The following PRPF6 variants were observed in gnomAD, a reference collection of about 807,000 sequenced individuals.
The protein encoded by PRPF6 is pre-mRNA-processing factor 6.
A neutral mutation model predicts 118.3 loss-of-function variants in PRPF6; 42 were observed. That is an observed-to-expected ratio of 0.35 (90% CI 0.28 to 0.46). The LOEUF is 0.46. PRPF6 is among the 20% of genes least tolerant of loss of function. The pLI, the probability that PRPF6 is intolerant of heterozygous loss-of-function variation, is 1.00. For missense variants in PRPF6, 662 were observed against 1,255.7 expected, an observed-to-expected ratio of 0.53 and a Z score of 7.15; for synonymous variants, 481 against 485.1, an observed-to-expected ratio of 0.99 and a Z score of 0.11.
intron 9 of PRPF6, among the ~76,000 whole-genome samples, chr20:64,003,491 C>G (rs2059176690): frequency 6.6e-6 from 1 of 152,226 alleles, no homozygotes; most frequent in Non-Finnish European, 1.5e-5. Context: ...GCCTGTGATG[C>G]ATGTTCCCCC....
chr20:64,010,167 C>A, intron 9 of PRPF6, 33 bp from the exon 10 acceptor site: 1 of 1,573,058 alleles, frequency 6.4e-7, no homozygotes, highest in Non-Finnish European at 8.8e-7. Context: ...ATCTCCTTTT[C>A]TGTGACGTGG....
chr20:63,992,110 G>GTT (rs1164467235), intron 3 of PRPF6, among the ~76,000 whole-genome samples: 2 of 152,038 alleles, frequency 1.3e-5, no homozygotes, highest in Admixed American at 6.6e-5. Flanking sequence ...GTTTTGTTTT[G>GTT]TTTTGTTTTG....
chr20:64,027,885 C>T lies in PRPF6; in HGVS notation c.2339+149C>T, dbSNP rs1007960786. On this transcript the variant is annotated intron_variant, in intron 17 of 20. Transcript: ENST00000266079. The surrounding 1 kb of genome is among the most constrained non-coding windows in gnomAD (Gnocchi z 6.5). ...GGTAGGTGCTGGCCATGAAAAATCACGGTCCCTGCCTTAGGAGAGTTCGGC... is the reference window on the plus strand; with the variant it reads ...GGTAGGTGCTGGCCATGAAAAATCATGGTCCCTGCCTTAGGAGAGTTCGGC... The T allele has an allele frequency of 2.0e-5, 23 of 1,152,360 alleles. No individual in the cohort carries two copies. The highest frequency in any genetic ancestry group is 2.5e-5 in the South Asian group (2 of 80,098). 71.4% of individuals were successfully genotyped at this position (1,152,360 alleles called of 1,614,324 possible). A position where few individuals can be genotyped will look rare whatever the true frequency, so the allele number is the denominator to read the frequency against.
At chr20:63,999,918 C>G (rs2059158946) in intron 8 of PRPF6, among the ~76,000 whole-genome samples, 159 bp downstream of exon 8, 1 of 150,894 alleles carries the variant, frequency 6.6e-6, no homozygotes, top group African/African-American at 2.4e-5. Context: ...GGGCTTTTTC[C>G]TGCTTGTTTT....
intron 3 of PRPF6, among the ~76,000 whole-genome samples, chr20:63,986,786 C>G (rs999314626): frequency 3.4e-4 from 51 of 151,810 alleles, no homozygotes; most frequent in African/African-American, 1.2e-3. Flanking sequence ...CTGCGCCCGG[C>G]CTAATCATTT....
At chr20:63,985,485 G>A (rs987925709) in intron 3 of PRPF6, among the ~76,000 whole-genome samples, 5 of 152,256 alleles carry the variant, frequency 3.3e-5, no homozygotes, top group Non-Finnish European at 5.9e-5. Flanking sequence ...GCACTGGGCT[G>A]TTACAGAACA....
chr20:63,999,976 G>A lies in PRPF6; in HGVS notation c.1023+217G>A, dbSNP rs371492332. ...ACCACTTTTTTTTTTTTTGGAGACGGAGTCTCGCTCTGTCACCCAGGCTGG... is the reference window on the plus strand; with the variant it reads ...ACCACTTTTTTTTTTTTTGGAGACGAAGTCTCGCTCTGTCACCCAGGCTGG... On this transcript the variant is annotated intron_variant, in intron 8 of 20. Transcript: ENST00000266079. Among the ~76,000 whole-genome samples, 415 of 149,960 alleles carry A rather than the reference G, an allele frequency of 2.8e-3. 1 individual carries two copies. The highest frequency in any genetic ancestry group is 9.9e-3 in the African/African-American group (404 of 40,798).
intron 12 of PRPF6, among the ~76,000 whole-genome samples, chr20:64,022,424 C>G (rs934369331): frequency 2.0e-5 from 3 of 152,174 alleles, no homozygotes; most frequent in Admixed American, 2.0e-4. Flanking sequence ...TCTCCTGCCT[C>G]AGACTGCCGA....
chr20:63,990,805 C>T (rs375786301), intron 3 of PRPF6, among the ~76,000 whole-genome samples: 50 of 152,048 alleles, frequency 3.3e-4, no homozygotes, highest in African/African-American at 4.3e-4. Flanking sequence ...CCGCCACGCC[C>T]GGCTGATTTT....
rs2059322775 is a variant in PRPF6 at position 64,033,028 on chromosome 20, G to T, written c.*35G>T. On this transcript the variant is annotated 3_prime_UTR_variant, in exon 21 of 21. Transcript: ENST00000266079. ...TGCCATGGCCGGTCTCCGTGGGGCA[G>T]GGTTGGGCCGCATGTGGAAGGGCTC... 1 of 1,612,248 alleles carries T rather than the reference G, an allele frequency of 6.2e-7. No individual in the cohort carries two copies. Among genetic ancestry groups the T allele is most frequent in the South Asian group, 1.1e-5 (1 of 91,078 alleles).
In PRPF6 at chr20:63,983,228, C is replaced by A; in HGVS notation, c.240+13C>A. ...CAATTACGATGAGGTGAGATGTGTC[C>A]GGCTTTCGTGGCTCCTCCAGCCAGT... is the stretch of plus-strand genomic sequence containing the variant. On this transcript the variant is annotated intron_variant, in intron 2 of 20. Transcript: ENST00000266079. 6.2e-7 allele frequency: 1 copy of A among 1,614,074 alleles called. No homozygotes were observed. Among genetic ancestry groups the A allele is most frequent in the Non-Finnish European group, 8.5e-7 (1 of 1,180,016 alleles).
intron 12 of PRPF6, among the ~76,000 whole-genome samples, chr20:64,017,628 C>T (rs1371914737): frequency 1.3e-5 from 2 of 152,192 alleles, no homozygotes; most frequent in Non-Finnish European, 2.9e-5. Context: ...CATGAGCCGC[C>T]GCGCCCGGCC....
At chr20:64,030,772 C>G (rs2059310794) in intron 19 of PRPF6, among the ~76,000 whole-genome samples, 1 of 152,230 alleles carries the variant, frequency 6.6e-6, no homozygotes, top group Non-Finnish European at 1.5e-5. Context: ...TTATCTAACA[C>G]CGGGCAATTA....
chr20:64,019,178 A>T (rs934106374), intron 12 of PRPF6, among the ~76,000 whole-genome samples: 5 of 146,030 alleles, frequency 3.4e-5, no homozygotes, highest in African/African-American at 1.3e-4. Context: ...GGCTCACTGC[A>T]ACCTCCGCCT....
Position 64,026,939 on chromosome 20 carries a change from C to T in PRPF6, c.2029-43C>T. ...ATGAGTGTACCATGAAGCACGTACC[C>T]TGGAGCTGATGCCCTGCGTGACAGT... On this transcript the variant is annotated intron_variant, in intron 15 of 20. Transcript: ENST00000266079. This position sits in a 1 kb window ranked among gnomAD's most constrained non-coding sequence, Gnocchi z 4.4. 1.9e-6 allele frequency: 3 copies of T among 1,611,452 alleles called. 1 individual carries two copies. In the South Asian group the frequency reaches 3.3e-5, roughly 18 times the overall value.
intron 1 of PRPF6, among the ~76,000 whole-genome samples, chr20:63,982,677 C>T (rs971934611): frequency 6.6e-6 from 1 of 152,118 alleles, no homozygotes; most frequent in South Asian, 2.1e-4. Flanking sequence ...GCAAAAATTA[C>T]ATCATGGTCC....
intron 6 of PRPF6, 29 bp downstream of exon 6, chr20:63,995,511 G>A: frequency 6.2e-7 from 1 of 1,613,512 alleles, no homozygotes; most frequent in African/African-American, 1.3e-5. Flanking sequence ...ATTTTCCTGT[G>A]GACAGGTTTA....
In PRPF6 at chr20:63,987,053, C is replaced by T. The variant is rs541479709; in HGVS notation, c.359+2028C>T. 2.6e-5 allele frequency among the ~76,000 whole-genome samples: 4 copies of T among 151,184 alleles called. No individual in the cohort carries two copies. The East Asian group carries it at 7.9e-4, about 30-fold the overall frequency. ...GGCTTCGTGGCACACACCTGTAGTC[C>T]TAGCTACTCAGGAGGCTGAGATGGG... On this transcript the variant is annotated intron_variant, in intron 3 of 20. Coordinates refer to ENST00000266079, the MANE Select transcript of PRPF6 (RefSeq NM_012469.4).
Position 64,028,115 on chromosome 20 carries a change from TG to T in PRPF6, c.2340-362del, listed in dbSNP as rs2059299844. Among the ~76,000 whole-genome samples, 1 of 152,148 alleles carries T rather than the reference TG, an allele frequency of 6.6e-6. No homozygotes were observed. Among genetic ancestry groups the T allele is most frequent in the Admixed American group, 6.5e-5 (1 of 15,280 alleles). ...GTGCAGGCTCTGTTCATGGAGGTGCTGCGTCCAGCTCAGGGTGACGGGGCTG... is the reference window on the plus strand; with the variant it reads ...GTGCAGGCTCTGTTCATGGAGGTGCTCGTCCAGCTCAGGGTGACGGGGCTG... On this transcript the variant is annotated intron_variant, in intron 17 of 20. Transcript: ENST00000266079. The surrounding 1 kb of genome is among the most constrained non-coding windows in gnomAD (Gnocchi z 6.5).
Sources: gnomAD v4.1 joint callset for allele counts (sites outside exome capture counted in the v4.1 genomes callset) on GRCh38, gnomAD v4.1.1 for gene constraint, Gnocchi (gnomAD v3.1) non-coding constraint, MANE v1.5 for transcripts, NCBI Gene and HGNC (gene_info 2026-07-23, HGNC 2026-07-21) for gene names.